NRG1: variants seen among roughly 807,000 people sequenced by gnomAD.
NRG1 encodes the protein pro-neuregulin-1, membrane-bound isoform.
A neutral mutation model predicts 63.8 loss-of-function variants in NRG1; 18 were observed. The observed-to-expected ratio is 0.28, with a 90% CI of 0.19 to 0.42. The LOEUF (loss-of-function observed/expected upper bound fraction) is 0.42, where lower values mean the gene tolerates loss of function less well. Ranked by LOEUF, NRG1 falls within the 10% of genes least tolerant of loss-of-function variation. The pLI is 1.00. For synonymous variants in NRG1, 302 were observed against 301.3 expected, an observed-to-expected ratio of 1.00 and a Z score of -0.02; for missense variants, 762 against 814.7, an observed-to-expected ratio of 0.94 and a Z score of 0.79.
chr8:32,013,239 T>C (rs1265232300), intron 1 of NRG1, among the ~76,000 whole-genome samples: 1 of 152,046 alleles, frequency 6.6e-6, no homozygotes, highest in Non-Finnish European at 1.5e-5. Flanking sequence ...AGGAGAGTCT[T>C]CCTTTGCAGA....
intron 1 of NRG1, among the ~76,000 whole-genome samples, chr8:32,521,724 T>C (rs1830364088): frequency 6.6e-6 from 1 of 152,206 alleles, no homozygotes; most frequent in Admixed American, 6.5e-5. Flanking sequence ...AAGAGAGTTT[T>C]AGCTATTCTT....
chr8:31,927,586 C>T (rs2623402), intron 1 of NRG1, among the ~76,000 whole-genome samples: 7,227 of 148,010 alleles, frequency 0.049, 562 homozygotes, highest in African/African-American at 0.17. Flanking sequence ...GTAGCTGGGA[C>T]TACAGGCGCC....
At chr8:31,862,452 A>G (rs1828551628) in intron 1 of NRG1, among the ~76,000 whole-genome samples, 1 of 152,238 alleles carries the variant, frequency 6.6e-6, no homozygotes, top group Non-Finnish European at 1.5e-5. Flanking sequence ...CAAAATATCT[A>G]ACATTCGGCC....
At chr8:31,989,222 C>T (rs974211498) in intron 1 of NRG1, among the ~76,000 whole-genome samples, 1 of 118,562 alleles carries the variant, frequency 8.4e-6, no homozygotes, top group Non-Finnish European at 1.7e-5. Flanking sequence ...TACTGTTACA[C>T]TCCAACCTGG....
chr8:32,246,609 G>C (rs1848610149), intron 1 of NRG1, among the ~76,000 whole-genome samples: 2 of 152,148 alleles, frequency 1.3e-5, no homozygotes, highest in Admixed American at 1.3e-4. Flanking sequence ...AATTCTATTT[G>C]TAAATGACAA....
chr8:32,292,223 A>T lies in NRG1; in HGVS notation c.38-303605A>T, dbSNP rs1563278125. Among the ~76,000 whole-genome samples, 3 of 152,352 alleles carry T rather than the reference A, an allele frequency of 2.0e-5. No homozygotes were observed. In the East Asian group the frequency reaches 5.8e-4, roughly 29 times the overall value. The stretch of plus-strand genomic sequence containing the variant: ...CTATATAACCCAGATCAAGAAAACC[A>T]GTGAAAATTAGCCTATTCAATCCTT... On this transcript the variant is annotated intron_variant, in intron 1 of 10. Transcript: ENST00000519301.
chr8:32,410,665 G>T (rs189903950), intron 1 of NRG1, among the ~76,000 whole-genome samples: 1 of 151,928 alleles, frequency 6.6e-6, no homozygotes, highest in Non-Finnish European at 1.5e-5. Context: ...CTTCAACAAA[G>T]AAACTAACCA....
At chr8:32,237,294 G>A (rs901882623) in intron 1 of NRG1, among the ~76,000 whole-genome samples, 4 of 152,194 alleles carry the variant, frequency 2.6e-5, no homozygotes, top group Non-Finnish European at 5.9e-5. Flanking sequence ...GATATATTTC[G>A]TGAAAGACTT....
chr8:32,548,171 G>A (rs967938779), upstream of NRG1: 15 of 962,226 alleles, frequency 1.6e-5, no homozygotes, highest in African/African-American at 2.1e-4. Flanking sequence ...GCGTGTCCGC[G>A]CCTCGGGGTG....
intron 1 of NRG1, among the ~76,000 whole-genome samples, chr8:31,769,641 G>A (rs1818419278): frequency 6.6e-6 from 1 of 152,186 alleles, no homozygotes; most frequent in African/African-American, 2.4e-5. Context: ...TCCCCTTGAA[G>A]TAGGGGTGCA....
intron 1 of NRG1, among the ~76,000 whole-genome samples, chr8:32,481,248 G>A (rs1171642631): frequency 6.6e-6 from 1 of 152,070 alleles, no homozygotes; most frequent in Non-Finnish European, 1.5e-5. Flanking sequence ...AGAGGCTGAG[G>A]TGGGGGGATT....
At chr8:31,767,337 G>A (rs1417619368) in intron 1 of NRG1, among the ~76,000 whole-genome samples, 1 of 152,162 alleles carries the variant, frequency 6.6e-6, no homozygotes, top group Non-Finnish European at 1.5e-5. Context: ...TAGTTATCAG[G>A]TAGTCATTCT....
At chr8:32,617,509 G>A (rs928490967) in intron 5 of NRG1, among the ~76,000 whole-genome samples, 10 of 152,120 alleles carry the variant, frequency 6.6e-5, no homozygotes, top group African/African-American at 2.4e-4. Context: ...CTATGTCGGG[G>A]GAACTTAAAA....
intron 1 of NRG1, among the ~76,000 whole-genome samples, chr8:32,512,520 T>C (rs942166530): frequency 2.6e-5 from 4 of 152,242 alleles, no homozygotes; most frequent in African/African-American, 9.6e-5. Context: ...GCAATTATTA[T>C]ATACCAGACA....
At chr8:32,139,422 C>T (rs1835960097) in intron 1 of NRG1, 1 of 152,142 alleles carries the variant, frequency 6.6e-6, no homozygotes, top group Admixed American at 6.5e-5. Flanking sequence ...TGAAAAGGAG[C>T]CTGGTTTTAC....
intron 1 of NRG1, among the ~76,000 whole-genome samples, chr8:32,414,064 TG>T (rs770356126): frequency 4.6e-5 from 7 of 152,166 alleles, no homozygotes; most frequent in Non-Finnish European, 5.9e-5. Context: ...TAGACCACTT[TG>T]GACTCAGAGA....
rs539192637 is a variant in NRG1 at position 32,600,079 on chromosome 8, T to C, written c.278+4074T>C. 7.9e-5 allele frequency among the ~76,000 whole-genome samples: 12 copies of C among 152,238 alleles called. No individual in the cohort carries two copies. In the East Asian group the frequency reaches 2.3e-3, roughly 29 times the overall value. On this transcript the variant is annotated intron_variant, in intron 2 of 11. Transcript: ENST00000356819. ...TGAGAATCCTCAGTGGCATTCCATA[T>C]GGTTTATGTGAGGCACTTGGTACAG...
At chr8:31,936,264 A>G (rs1165890423) in intron 1 of NRG1, among the ~76,000 whole-genome samples, 4 of 152,244 alleles carry the variant, frequency 2.6e-5, no homozygotes, top group Non-Finnish European at 5.9e-5. Flanking sequence ...AACAAAATAC[A>G]TAAAACTCTT....
intron 6 of NRG1, among the ~76,000 whole-genome samples, chr8:32,729,514 A>C (rs1432393941): frequency 3.3e-5 from 5 of 152,206 alleles, no homozygotes. Context: ...TTTTGTCACA[A>C]AAACTGTTTT....
Sources: allele counts gnomAD v4.1 joint callset (sites outside exome capture counted in the v4.1 genomes callset), GRCh38; gene constraint gnomAD v4.1.1; transcripts MANE v1.5; gene names NCBI Gene and HGNC (gene_info 2026-07-23, HGNC 2026-07-21).